ZNF665: variants seen among roughly 807,000 people sequenced by gnomAD.
ZNF665 encodes zinc finger protein 665.
In ZNF665, 6 loss-of-function variants were observed where a neutral mutation model predicts 7.9. The ratio of observed to expected loss-of-function variants is 0.76; its 90% confidence interval spans 0.42 to 1.50. The LOEUF (loss-of-function observed/expected upper bound fraction) is 1.50. Among genes scored for constraint, ZNF665 ranks in the 40% most tolerant of loss-of-function variants. The pLI, the probability that ZNF665 is intolerant of heterozygous loss-of-function variation, is 0.01. For missense variants in ZNF665, 819 were observed against 806.7 expected, an observed-to-expected ratio of 1.02 and a Z score of -0.18; for synonymous variants, 242 against 274.5, an observed-to-expected ratio of 0.88 and a Z score of 1.17.
chr19:53,189,837 A>G (rs2090802868), intron 1 of ZNF665, among the ~76,000 whole-genome samples: 1 of 151,768 alleles, frequency 6.6e-6, no homozygotes, highest in African/African-American at 2.4e-5. Context: ...CACTTACGCT[A>G]CCCCTAGACC....
chr19:53,167,918 T>A (rs1324134291), intron 3 of ZNF665, among the ~76,000 whole-genome samples: 10 of 146,952 alleles, frequency 6.8e-5, no homozygotes, highest in African/African-American at 2.5e-4. Context: ...TCGCCATGCG[T>A]TGTGGCGGGC....
intron 1 of ZNF665, among the ~76,000 whole-genome samples, chr19:53,189,796 A>G (rs9630864): frequency 0.41 from 61,365 of 149,694 alleles, 13,131 homozygotes; most frequent in South Asian, 0.49. Flanking sequence ...TCCCTTCCCC[A>G]GTCTGCTAAG....
chr19:53,164,432 C>A lies in ZNF665; in HGVS notation c.*21G>T. On this transcript the variant is annotated 3_prime_UTR_variant, in exon 4 of 4. Coordinates refer to ENST00000396424, the MANE Select transcript of ZNF665 (RefSeq NM_024733.5). ...GGATTACAGGCGTGAGCCACCACGCCCGGCGTCCTTTGTAAGGTTTCTATC... is the reference window on the plus strand; with the variant it reads ...GGATTACAGGCGTGAGCCACCACGCACGGCGTCCTTTGTAAGGTTTCTATC... 1 of 1,533,004 alleles carries A rather than the reference C, an allele frequency of 6.5e-7. No homozygotes were observed. The highest frequency in any genetic ancestry group is 1.4e-5 in the African/African-American group (1 of 73,130). 95.0% of individuals were successfully genotyped at this position (1,533,004 alleles called of 1,614,324 possible).
chr19:53,176,318 C>T (rs8112318), intron 2 of ZNF665, among the ~76,000 whole-genome samples: 148,505 of 152,242 alleles, frequency 0.98, 72,450 homozygotes, highest in African/African-American at 0.99. Flanking sequence ...GAACCTTCCA[C>T]AAAAATGCAA....
chr19:53,171,524 A>ATATATATATATTT (rs372855271), intron 3 of ZNF665, among the ~76,000 whole-genome samples: 1,103 of 69,240 alleles, frequency 0.016, 24 homozygotes, highest in Admixed American at 0.023. Context: ...ATATATATAT[A>ATATATATATATTT]TTTTTTTTTT....
At chr19:53,181,573 T>C (rs1390036728) in intron 2 of ZNF665, 2 of 152,150 alleles carry the variant, frequency 1.3e-5, no homozygotes, top group African/African-American at 4.8e-5. Flanking sequence ...AGGAGAAGAA[T>C]GCATTGAAGT....
intron 3 of ZNF665, among the ~76,000 whole-genome samples, chr19:53,175,160 C>T (rs2090687474): frequency 6.6e-6 from 1 of 152,006 alleles, no homozygotes; most frequent in Admixed American, 6.6e-5. Flanking sequence ...TTCCATGAAC[C>T]ACTCAATCAA....
chr19:53,167,777 C>G (rs529450135), intron 3 of ZNF665, among the ~76,000 whole-genome samples: 2 of 146,784 alleles, frequency 1.4e-5, no homozygotes, highest in South Asian at 4.6e-4. Flanking sequence ...AGGAGTCTGC[C>G]GGGCGCCGGT....
rs2090657849 is a variant in ZNF665 at position 53,171,522 on chromosome 19, A to ATATATATC, written c.142+3922_142+3923insGATATATA. On this transcript the variant is annotated intron_variant, in intron 3 of 3. Transcript: ENST00000396424. ...TGTGTGTGTATATATATATATATAT[A>ATATATATC]TATTTTTTTTTTTTTTTTCTTTTTT... is the stretch of plus-strand genomic sequence containing the variant. 2.3e-4 allele frequency among the ~76,000 whole-genome samples: 17 copies of ATATATATC among 75,382 alleles called. No individual in the cohort carries two copies. In the South Asian group the frequency reaches 2.9e-3, roughly 13 times the overall value. The allele number at this position is 75,382 out of a possible 152,430, so 49.5% of individuals were successfully genotyped here.
At position 53,164,845 on chromosome 19, in the gene ZNF665, T is replaced by C. The variant is rs2090593959; in HGVS notation, c.1645A>G (p.Lys549Glu). 6.2e-7 allele frequency: 1 copy of C among 1,614,090 alleles called. No homozygotes were observed. Among genetic ancestry groups the C allele is most frequent in the Admixed American group, 1.7e-5 (1 of 60,012 alleles). Residue 549 changes from lysine (K) to glutamate (E), a missense_variant, in exon 4 of 4, where the codon AAG becomes GAG. Transcript: ENST00000396424. Reference protein sequence around the residue: ...QKPYKCNDCGKVFRHNSYLAI... With the variant: ...QKPYKCNDCGEVFRHNSYLAI... ...AGGTACGAATTGTGTCTGAAGACCT[T>C]GCCGCAATCATTACATTTGTATGGT...
At chr19:53,178,190 G>A (rs2090712424) in intron 2 of ZNF665, among the ~76,000 whole-genome samples, 1 of 152,196 alleles carries the variant, frequency 6.6e-6, no homozygotes, top group Non-Finnish European at 1.5e-5. Context: ...TTCTGAAAGG[G>A]TGGTCATTTT....
At chr19:53,184,546 G>A (rs2090762351) in intron 1 of ZNF665, among the ~76,000 whole-genome samples, 1 of 152,140 alleles carries the variant, frequency 6.6e-6, no homozygotes, top group African/African-American at 2.4e-5. Context: ...CAGTGTTCAA[G>A]GGAGAAGTCT....
At chr19:53,181,595 T>C (rs1311710766) in intron 2 of ZNF665, 1 of 152,150 alleles carries the variant, frequency 6.6e-6, no homozygotes, top group Non-Finnish European at 1.5e-5. Context: ...TAAGAACTAA[T>C]AACAATACTG....
chr19:53,167,313 T>A (rs1568655529), intron 3 of ZNF665, among the ~76,000 whole-genome samples: 2 of 152,122 alleles, frequency 1.3e-5, no homozygotes, highest in Non-Finnish European at 2.9e-5. Flanking sequence ...AACAGTTGTA[T>A]TTCTTACAAA....
At chr19:53,168,580 T>A (rs1216253288) in intron 3 of ZNF665, among the ~76,000 whole-genome samples, 2 of 152,180 alleles carry the variant, frequency 1.3e-5, no homozygotes, top group Non-Finnish European at 2.9e-5. Flanking sequence ...CAGCATGTAT[T>A]TTTTGAGAAA....
At chr19:53,174,404 C>A (rs929171762) in intron 3 of ZNF665, among the ~76,000 whole-genome samples, 2 of 152,228 alleles carry the variant, frequency 1.3e-5, no homozygotes, top group African/African-American at 4.8e-5. Context: ...GAAAAAAATT[C>A]TTATCAGTGA....
At position 53,180,315 on chromosome 19, in the gene ZNF665, C is replaced by T. The variant is rs189355310; in HGVS notation, c.15+2569G>A. On this transcript the variant is annotated intron_variant, in intron 2 of 3. Coordinates refer to ENST00000396424, the MANE Select transcript of ZNF665 (RefSeq NM_024733.5). ...AGGTGTGATGGCAGACACCTGTAAT[C>T]CCAGCTACTCGGGAGGCTGAGGCAG... Among the ~76,000 whole-genome samples, 967 of 152,086 alleles carry T rather than the reference C, an allele frequency of 6.4e-3. 6 individuals carry two copies. Among genetic ancestry groups the T allele is most frequent in the Non-Finnish European group, 9.8e-3 (665 of 67,988 alleles).
chr19:53,189,051 CTGTGTGTGTGTG>C (rs60689265), intron 1 of ZNF665, among the ~76,000 whole-genome samples: 1 of 137,650 alleles, frequency 7.3e-6, no homozygotes, highest in Non-Finnish European at 1.6e-5. Flanking sequence ...GCTTTATTTT[CTGTGTGTGTGTG>C]TGTGTGTGTG....
chr19:53,166,320 TCCGTGTTTAC>T lies in ZNF665; in HGVS notation c.160_169del (p.Val54IlefsTer17), dbSNP rs746957820. The T allele has an allele frequency of 2.5e-6, 4 of 1,592,672 alleles. No homozygotes were observed. Among genetic ancestry groups the T allele is most frequent in the Non-Finnish European group, 3.4e-6 (4 of 1,170,892 alleles). ...ATTGTTCTTCCCCTTTGGTGGCAAA[TCCGTGTTTAC>T]ACATTTACAAGAGATATCTGTAAGA... On this transcript the variant is annotated frameshift_variant, in exon 4 of 4. Transcript: ENST00000396424. LOFTEE classifies it low-confidence loss of function (END_TRUNC).
Sources: gnomAD v4.1 joint callset for allele counts (sites outside exome capture counted in the v4.1 genomes callset) on GRCh38, gnomAD v4.1.1 for gene constraint, MANE v1.5 for transcripts, NCBI Gene and HGNC (gene_info 2026-07-23, HGNC 2026-07-21) for gene names.